SIPA1L2: variants seen among roughly 807,000 people sequenced by gnomAD.
SIPA1L2 encodes the protein signal induced proliferation associated 1 like 2.
SIPA1L2 carries 56 observed loss-of-function variants against 163.9 expected under a neutral mutation model. The observed-to-expected ratio is 0.34, with a 90% CI of 0.28 to 0.43. The LOEUF (loss-of-function observed/expected upper bound fraction) is 0.43. Among genes scored for constraint, SIPA1L2 ranks in the 20% least tolerant of loss-of-function variants. The pLI, the probability that SIPA1L2 is intolerant of heterozygous loss-of-function variation, is 1.00. For synonymous variants in SIPA1L2, 877 were observed against 865.7 expected, an observed-to-expected ratio of 1.01 and a Z score of -0.23; for missense variants, 1,974 against 2,193.5, an observed-to-expected ratio of 0.90 and a Z score of 2.00.
intron 2 of SIPA1L2, among the ~76,000 whole-genome samples, chr1:232,528,669 T>C (rs996750216): frequency 1.3e-5 from 2 of 152,170 alleles, no homozygotes; most frequent in African/African-American, 4.8e-5. Flanking sequence ...GTGAGACCCA[T>C]GCACAGACCT....
intron 12 of SIPA1L2, among the ~76,000 whole-genome samples, chr1:232,442,472 C>T (rs1331420155): frequency 2.0e-5 from 3 of 150,232 alleles, no homozygotes; most frequent in Non-Finnish European, 4.4e-5. Flanking sequence ...TGCTTGAACC[C>T]GGGAGGCAGA....
rs1327880494 is a variant in SIPA1L2 at position 232,443,669 on chromosome 1, G to C, written c.3370C>G (p.Gln1124Glu). Residue 1124 changes from glutamine (Q) to glutamate (E), a missense_variant, in exon 12 of 23, where the codon CAG becomes GAG. Around this residue, in one of 3 missense-constraint regions of SIPA1L2, gnomAD observed 1,079 missense variants for 1,150.7 expected, o/e 0.94. Transcript: ENST00000674635. ...PDGTRSSPSN[Q>E]SSSSDPGPGG... ...GGTCCAGGGTCGCTGGAGGATGACT[G>C]GTTGCTGGGTGAGCTTCTGAAAGGT... 6.2e-7 allele frequency: 1 copy of C among 1,608,002 alleles called. No individual in the cohort carries two copies. Among genetic ancestry groups the C allele is most frequent in the Non-Finnish European group, 8.5e-7 (1 of 1,177,274 alleles).
At chr1:232,399,427 C>T (rs1660200098) in intron 22 of SIPA1L2, among the ~76,000 whole-genome samples, 154 bp from the exon 23 acceptor site, 1 of 151,858 alleles carries the variant, frequency 6.6e-6, no homozygotes, top group Non-Finnish European at 1.5e-5. Flanking sequence ...CTTTTCTGAT[C>T]CTGATTCCTG....
chr1:232,544,343 C>G (rs1031786234), intron 2 of SIPA1L2, among the ~76,000 whole-genome samples: 1 of 152,126 alleles, frequency 6.6e-6, no homozygotes, highest in Non-Finnish European at 1.5e-5. Flanking sequence ...GGGTGGATCA[C>G]AAGGTCAGGA....
chr1:232,459,402 T>C (rs12139442), intron 10 of SIPA1L2, among the ~76,000 whole-genome samples: 27,797 of 151,940 alleles, frequency 0.18, 2,713 homozygotes, highest in Non-Finnish European at 0.21. Flanking sequence ...AAGGAGAGAG[T>C]ATGACCTAGG....
chr1:232,408,288 G>GT (rs56832581), intron 19 of SIPA1L2, among the ~76,000 whole-genome samples: 36,576 of 146,388 alleles, frequency 0.25, 4,819 homozygotes, highest in African/African-American at 0.3. Context: ...ATGAAGGACT[G>GT]TTTTTTTTTT....
intron 1 of SIPA1L2, among the ~76,000 whole-genome samples, chr1:232,622,726 T>C (rs1009096621): frequency 6.6e-6 from 1 of 152,228 alleles, no homozygotes; most frequent in African/African-American, 2.4e-5. Context: ...TCCACATTTT[T>C]ACCAGTTCCA....
rs757394542 is a variant in SIPA1L2 at position 232,464,797 on chromosome 1, T to A, written c.2820+43A>T. On this transcript the variant is annotated intron_variant, in intron 9 of 22. Transcript: ENST00000674635. ...GTGAAAGTTATTTTGAATCTGGAAT[T>A]GAAAACATAAGGATGGCGGGAAAAT... The A allele has an allele frequency of 2.0e-6, 3 of 1,482,876 alleles. No homozygotes were observed. The East Asian group carries it at 6.8e-5, about 34-fold the overall frequency. 91.9% of individuals were successfully genotyped at this position (1,482,876 alleles called of 1,614,324 possible).
In SIPA1L2 at chr1:232,483,928, T is replaced by C. The variant is rs1217484976; in HGVS notation, c.1845A>G (p.Lys615=). Residue 615 remains lysine, a synonymous_variant, in exon 6 of 23, where the codon AAA becomes AAG. Transcript: ENST00000674635. ...FQHKIGILYC[K]AGQSTEEEMY... is the part of the protein sequence containing the mutation. ...TCTCTTCCTCTGTGCTCTGGCCTGCTTTGCAATAAAGGATCCCGATCTTGT... is the reference window on the plus strand; with the variant it reads ...TCTCTTCCTCTGTGCTCTGGCCTGCCTTGCAATAAAGGATCCCGATCTTGT... The C allele has an allele frequency of 6.2e-7, 1 of 1,613,578 alleles. No homozygotes were observed. The highest frequency in any genetic ancestry group is 8.5e-7 in the Non-Finnish European group (1 of 1,179,848).
At chr1:232,468,483 G>A (rs1399557884) in intron 8 of SIPA1L2, among the ~76,000 whole-genome samples, 3 of 152,164 alleles carry the variant, frequency 2.0e-5, no homozygotes, top group Non-Finnish European at 4.4e-5. Context: ...TAATCCTTCA[G>A]TGCCTCCCTG....
At chr1:232,435,305 G>A (rs6668230) in intron 15 of SIPA1L2, among the ~76,000 whole-genome samples, 43,122 of 152,126 alleles carry the variant, frequency 0.28, 6,598 homozygotes, top group East Asian at 0.48. Flanking sequence ...GATTTCATTA[G>A]AAATGTATTT....
At chr1:232,581,716 CCCTA>C (rs148878655) in intron 1 of SIPA1L2, among the ~76,000 whole-genome samples, 197 of 152,268 alleles carry the variant, frequency 1.3e-3, no homozygotes, top group African/African-American at 4.4e-3. Context: ...AACTCAACTT[CCCTA>C]CCTGACAGTC....
At chr1:232,417,186 C>G (rs575787630) in intron 18 of SIPA1L2, among the ~76,000 whole-genome samples, 2 of 152,292 alleles carry the variant, frequency 1.3e-5, no homozygotes, top group Admixed American at 6.5e-5. Context: ...TGGACTAAGA[C>G]AGCTAGTAAA....
intron 1 of SIPA1L2, among the ~76,000 whole-genome samples, chr1:232,628,043 T>C (rs542593103): frequency 1.3e-5 from 2 of 152,324 alleles, no homozygotes; most frequent in East Asian, 3.9e-4. Context: ...TTTCAAGATA[T>C]TTACTCAGCG....
chr1:232,417,340 C>A (rs1661320668), intron 18 of SIPA1L2, among the ~76,000 whole-genome samples: 2 of 152,150 alleles, frequency 1.3e-5, no homozygotes, highest in African/African-American at 2.4e-5. Context: ...CCTAATTATT[C>A]CCTGCCTCTA....
At position 232,591,989 on chromosome 1, in the gene SIPA1L2, T is replaced by C. The variant is rs950234551; in HGVS notation, c.-318-17767A>G. Among the ~76,000 whole-genome samples the C allele has an allele frequency of 5.3e-5, 8 of 152,174 alleles. No homozygotes were observed. In the East Asian group the frequency reaches 9.6e-4, roughly 18 times the overall value. On this transcript the variant is annotated intron_variant, in intron 1 of 22. Transcript: ENST00000674635. ...ATAAAGGGCCACTTCTATGGGTGCT[T>C]CTAGTGGGACTGAGCCCTTATGTCC...
chr1:232,435,080 T>C (rs1188022648), intron 15 of SIPA1L2, among the ~76,000 whole-genome samples: 1 of 152,184 alleles, frequency 6.6e-6, no homozygotes, highest in African/African-American at 2.4e-5. Context: ...GTCTCATGTA[T>C]TTTAAAGCCT....
rs558125907 is a variant in SIPA1L2, at chr1:232,587,243, C to T, written c.-318-13021G>A. On this transcript the variant is annotated intron_variant, in intron 1 of 22. Coordinates refer to ENST00000674635, the MANE Select transcript of SIPA1L2 (RefSeq NM_020808.5). ...GGTACAGATTTAGATGTTCAGGACA[C>T]AGGAGTCAACAGCCCCAGTCAAAGT... Among the ~76,000 whole-genome samples the T allele has an allele frequency of 3.3e-5, 5 of 152,266 alleles. No homozygotes were observed. The East Asian group carries it at 7.7e-4, about 24-fold the overall frequency.
At chr1:232,507,168 G>A (rs114393149) in intron 3 of SIPA1L2, among the ~76,000 whole-genome samples, 1,974 of 135,072 alleles carry the variant, frequency 0.015, 47 homozygotes, top group African/African-American at 0.049. Context: ...AGGCTCTTAC[G>A]GTCTGTGATT....
Sources: gnomAD v4.1 joint callset for allele counts (sites outside exome capture counted in the v4.1 genomes callset) on GRCh38, gnomAD v4.1.1 for gene constraint, gnomAD v4.1.1 regional missense constraint, MANE v1.5 for transcripts, NCBI Gene and HGNC (gene_info 2026-07-23, HGNC 2026-07-21) for gene names.